Variants in STARD13 observed in about 807,000 individuals in gnomAD.
The protein encoded by STARD13 is StAR related lipid transfer domain containing 13.
In STARD13, 62 loss-of-function variants were observed where a neutral mutation model predicts 106.4. The ratio of observed to expected loss-of-function variants is 0.58; its 90% confidence interval spans 0.48 to 0.72. The LOEUF (loss-of-function observed/expected upper bound fraction) is 0.72. Ranked by LOEUF, STARD13 falls within the 30% of genes least tolerant of loss-of-function variation. The pLI is 0.00. For synonymous variants in STARD13, 565 were observed against 553.0 expected, an observed-to-expected ratio of 1.02 and a Z score of -0.31; for missense variants, 1,387 against 1,424.0, an observed-to-expected ratio of 0.97 and a Z score of 0.42.
the STARD13 span, among the ~76,000 whole-genome samples, chr13:33,625,596 T>C: frequency 6.6e-6 from 1 of 151,886 alleles, no homozygotes; most frequent in Non-Finnish European, 1.5e-5. Context: ...AAAAAAGAAG[T>C]TGTCAAAACC....
chr13:33,613,183 T>C, the STARD13 span, among the ~76,000 whole-genome samples: 1 of 152,192 alleles, frequency 6.6e-6, no homozygotes, highest in Admixed American at 6.5e-5. Context: ...AGTTTCCAAA[T>C]TGTTTTCACA....
chr13:33,609,452 G>C, the STARD13 span, among the ~76,000 whole-genome samples: 9 of 152,134 alleles, frequency 5.9e-5, no homozygotes, highest in African/African-American at 1.9e-4. Context: ...TGAAAATCTT[G>C]ATCATTGCTG....
upstream of STARD13, among the ~76,000 whole-genome samples, chr13:33,286,250 A>T (rs926567203): frequency 6.6e-5 from 10 of 152,160 alleles, no homozygotes; most frequent in African/African-American, 2.4e-4. Flanking sequence ...ACTCAAATAA[A>T]AACTTTTCCA....
chr13:33,651,566 G>A, the STARD13 span, among the ~76,000 whole-genome samples: 1 of 151,820 alleles, frequency 6.6e-6, no homozygotes, highest in Admixed American at 6.6e-5. Context: ...ACTTTGAGAT[G>A]TTTGATTAAG....
At chr13:33,331,126 C>A (rs924852397) in intron 1 of STARD13, among the ~76,000 whole-genome samples, 1 of 93,782 alleles carries the variant, frequency 1.1e-5, no homozygotes, top group Admixed American at 1.0e-4. Context: ...CTGGCTCTGA[C>A]CCCCCTTGCT....
chr13:33,273,047 C>G (rs764783384), intron 1 of STARD13, among the ~76,000 whole-genome samples: 3 of 152,182 alleles, frequency 2.0e-5, no homozygotes, highest in Non-Finnish European at 4.4e-5. Context: ...TTATTGATAG[C>G]GCCCTCTTGG....
At chr13:33,212,799 A>G (rs529292675) in intron 1 of STARD13, among the ~76,000 whole-genome samples, 1 of 152,328 alleles carries the variant, frequency 6.6e-6, no homozygotes, top group Admixed American at 6.5e-5. Flanking sequence ...AGGTATGACA[A>G]TCTGTCATCT....
chr13:33,357,900 C>T, the STARD13 span, among the ~76,000 whole-genome samples: 1 of 152,222 alleles, frequency 6.6e-6, no homozygotes, highest in Non-Finnish European at 1.5e-5. Flanking sequence ...GCCCTTCAGC[C>T]CCCCACTGCA....
At chr13:33,453,987 A>C in the STARD13 span, among the ~76,000 whole-genome samples, 11 of 151,694 alleles carry the variant, frequency 7.3e-5, no homozygotes, top group Non-Finnish European at 1.6e-4. Flanking sequence ...ACAGTCCTTG[A>C]ATAATGGAAA....
chr13:33,213,732 T>C (rs936806663), intron 1 of STARD13, among the ~76,000 whole-genome samples: 11 of 152,248 alleles, frequency 7.2e-5, no homozygotes, highest in African/African-American at 2.4e-4. Flanking sequence ...CAGGATTGAT[T>C]ACCCTAATTC....
the STARD13 span, among the ~76,000 whole-genome samples, chr13:33,571,228 A>ATTACCT: frequency 6.6e-6 from 1 of 152,298 alleles, no homozygotes; most frequent in East Asian, 1.9e-4. Flanking sequence ...AACAAGTAGA[A>ATTACCT]TTACCTTTAT....
intron 1 of STARD13, chr13:33,350,231 G>T: frequency 6.8e-7 from 1 of 1,477,820 alleles, no homozygotes; most frequent in African/African-American, 1.5e-5. Context: ...GGCCCGGGCG[G>T]GCTACGGGGC....
At chr13:33,558,240 T>C in the STARD13 span, among the ~76,000 whole-genome samples, 1 of 152,222 alleles carries the variant, frequency 6.6e-6, no homozygotes, top group Non-Finnish European at 1.5e-5. Flanking sequence ...ACCTGCAAGG[T>C]ACATACCTCT....
chr13:33,563,789 C>T, the STARD13 span, among the ~76,000 whole-genome samples: 1 of 147,380 alleles, frequency 6.8e-6, no homozygotes, highest in African/African-American at 2.5e-5. Flanking sequence ...AAGAGACAAC[C>T]TACAGAATGA....
chr13:33,356,874 C>G, the STARD13 span, among the ~76,000 whole-genome samples: 5 of 152,266 alleles, frequency 3.3e-5, no homozygotes, highest in South Asian at 2.1e-4. Context: ...GGATTCACAT[C>G]TTAGCTCTGG....
intron 1 of STARD13, among the ~76,000 whole-genome samples, chr13:33,325,369 T>C (rs2077762292): frequency 6.6e-6 from 1 of 152,218 alleles, no homozygotes; most frequent in Non-Finnish European, 1.5e-5. Flanking sequence ...CCAACAGTTC[T>C]GCCCACCAAT....
At chr13:33,230,323 C>T (rs934933868) in intron 1 of STARD13, among the ~76,000 whole-genome samples, 5 of 152,316 alleles carry the variant, frequency 3.3e-5, no homozygotes, top group Admixed American at 2.0e-4. Context: ...AAAGCCAGTA[C>T]ATGCACATCC....
chr13:33,289,758 A>C (rs775810519), upstream of STARD13, among the ~76,000 whole-genome samples: 6 of 152,120 alleles, frequency 3.9e-5, no homozygotes, highest in Non-Finnish European at 8.8e-5. Context: ...TCTTCAAGTA[A>C]GAAGTACAGA....
At chr13:33,216,592 A>G (rs1473320414) in intron 1 of STARD13, among the ~76,000 whole-genome samples, 1 of 152,104 alleles carries the variant, frequency 6.6e-6, no homozygotes, top group African/African-American at 2.4e-5. Context: ...TGAGGGATAA[A>G]AGACTGCAAA....
Sources: allele counts gnomAD v4.1 joint callset (sites outside exome capture counted in the v4.1 genomes callset), GRCh38; gene constraint gnomAD v4.1.1; transcripts MANE v1.5; gene names NCBI Gene and HGNC (gene_info 2026-07-23, HGNC 2026-07-21).